The following HEPH variants were observed in gnomAD, a reference collection of about 807,000 sequenced individuals.
HEPH encodes hephaestin.
Under a neutral mutation model 80.8 loss-of-function variants are expected in HEPH, and 69 were observed. That is an observed-to-expected ratio of 0.85 (90% CI 0.70 to 1.04). The LOEUF is 1.04. HEPH is among the 50% of genes least tolerant of loss of function. The pLI, the probability that HEPH is intolerant of heterozygous loss-of-function variation, is 0.00. For missense variants in HEPH, 1,115 were observed against 891.3 expected (o/e 1.25, Z -3.20); for synonymous variants, 431 against 322.8 (o/e 1.34, Z -3.60).
intron 15 of HEPH, 110 bp downstream of exon 15, chrX:66,208,356 T>G: frequency 1.3e-6 from 1 of 782,483 alleles, no homozygotes; most frequent in East Asian, 3.4e-5. Flanking sequence ...TGATAGCTCA[T>G]TCCTGTAATC....
intron 15 of HEPH, among the ~76,000 whole-genome samples, chrX:66,224,441 G>A (rs947260799): frequency 1.8e-5 from 2 of 111,737 alleles, no homozygotes; most frequent in Non-Finnish European, 3.8e-5. Context: ...CCCCTGTTAG[G>A]AAACCTGCTG....
Position 66,192,317 on chromosome X carries a change from C to T in HEPH, c.1232+19C>T, listed in dbSNP as rs1214442302. Reference sequence around the variant, plus strand: ...CAGGCAGGTAAGAGGCAGTGGGATCCCTCTCTTTAATTCTTTAATTGGTCC... The same window carrying T: ...CAGGCAGGTAAGAGGCAGTGGGATCTCTCTCTTTAATTCTTTAATTGGTCC... On this transcript the variant is annotated intron_variant, in intron 7 of 20. Coordinates refer to ENST00000343002, the MANE Select transcript of HEPH (RefSeq NM_001367233.3). The T allele has an allele frequency of 1.7e-6, 2 of 1,177,084 alleles. No individual in the cohort carries two copies. Among genetic ancestry groups the T allele is most frequent in the African/African-American group, 3.5e-5 (2 of 56,880 alleles).
chrX:66,196,225 T>A (rs940350605), intron 9 of HEPH, among the ~76,000 whole-genome samples: 1 of 111,481 alleles, frequency 9.0e-6, no homozygotes, highest in African/African-American at 3.3e-5. Flanking sequence ...AATATCATGA[T>A]GTTTGTATTC....
intron 15 of HEPH, among the ~76,000 whole-genome samples, chrX:66,252,114 T>C (rs978647422): frequency 1.8e-5 from 2 of 111,435 alleles, no homozygotes; most frequent in Middle Eastern, 9.3e-3. Flanking sequence ...TTCAGGTAGA[T>C]CCCTCAGAAT....
At position 66,173,233 on chromosome X, in the gene HEPH, TTTTTA is replaced by T. The variant is rs201084048; in HGVS notation, c.413-350_413-346del. 4.4e-3 allele frequency among the ~76,000 whole-genome samples: 497 copies of T among 112,227 alleles called. 5 individuals carry two copies. The highest frequency in any genetic ancestry group is 0.015 in the African/African-American group (462 of 30,899). ...GACTGAAATTCTGTGATTGCCTGCTTTTTTATTTTAAGTGAGTGTTTGAAGGGAGG... is the reference window on the plus strand; with the variant it reads ...GACTGAAATTCTGTGATTGCCTGCTTTTTTAAGTGAGTGTTTGAAGGGAGG... On this transcript the variant is annotated intron_variant, in intron 3 of 20. Transcript: ENST00000343002.
chrX:66,165,255 A>G (rs147924690), intron 1 of HEPH, among the ~76,000 whole-genome samples: 111 of 112,212 alleles, frequency 9.9e-4, no homozygotes, highest in African/African-American at 3.4e-3. Context: ...GACTAAGGCT[A>G]AAATAATTTA....
chrX:66,175,422 G>A (rs1224532700), intron 4 of HEPH, among the ~76,000 whole-genome samples: 1 of 111,952 alleles, frequency 8.9e-6, no homozygotes, highest in East Asian at 2.8e-4. Flanking sequence ...TTATAGTATA[G>A]TTTGAAATCA....
Position 66,203,407 on chromosome X carries a change from AG to A in HEPH, c.2124del (p.Met709Ter). On this transcript the variant is annotated frameshift_variant, in exon 13 of 21. Coordinates refer to ENST00000343002, the MANE Select transcript of HEPH (RefSeq NM_001367233.3). LOFTEE classifies it high-confidence loss of function. Reference sequence around the variant, plus strand: ...GCCAGGCAGGCAGCCATCGAGAAGCAGGGATGAGGGCAATCTATAATGTCTC... The same window carrying A: ...GCCAGGCAGGCAGCCATCGAGAAGCAGGATGAGGGCAATCTATAATGTCTC... ...YCQAGSHREA[G>X]MRAIYNVSQC... is the part of the protein sequence containing the mutation. The A allele has an allele frequency of 8.3e-7, 1 of 1,210,425 alleles. No homozygotes were observed. Among genetic ancestry groups the A allele is most frequent in the Non-Finnish European group, 1.1e-6 (1 of 895,090 alleles).
chrX:66,256,089 T>A lies in HEPH; in HGVS notation c.2671-16T>A, dbSNP rs2091170784. On this transcript the variant is annotated splice_polypyrimidine_tract_variant and intron_variant, in intron 16 of 20. Transcript: ENST00000343002. ...CTCCATCTCTTTCTCTCTCTCCCACTTCCTCCCTTCCTCAGGACATGTATA... is the reference window on the plus strand; with the variant it reads ...CTCCATCTCTTTCTCTCTCTCCCACATCCTCCCTTCCTCAGGACATGTATA... 17 of 1,169,362 alleles carry A rather than the reference T, an allele frequency of 1.5e-5. No homozygotes were observed. The highest frequency in any genetic ancestry group is 2.0e-5 in the Non-Finnish European group (17 of 862,310).
chrX:66,207,317 A>G lies in HEPH; in HGVS notation c.2414A>G (p.Glu805Gly). Reference sequence around the variant, plus strand: ...CCTCGGCCAAGGACTGGACCAGAAGAACACTTGGGAATCTTGGGTAAGGGA... The same window carrying G: ...CCTCGGCCAAGGACTGGACCAGAAGGACACTTGGGAATCTTGGGTAAGGGA... ...RIPRPRTGPE[E>G]HLGILGPLIK... is the part of the protein sequence containing the mutation. Residue 805 changes from glutamate to glycine, a missense_variant, in exon 14 of 21, where the codon GAA becomes GGA. Glu to Gly is a moderately conservative substitution (Grantham distance 98). Coordinates refer to ENST00000343002, the MANE Select transcript of HEPH (RefSeq NM_001367233.3). 1.7e-6 allele frequency: 2 copies of G among 1,185,239 alleles called. No individual in the cohort carries two copies. Among genetic ancestry groups the G allele is most frequent in the Non-Finnish European group, 2.3e-6 (2 of 880,649 alleles).
chrX:66,212,447 C>G (rs1168131017), intron 15 of HEPH, among the ~76,000 whole-genome samples: 3 of 111,004 alleles, frequency 2.7e-5, no homozygotes, highest in African/African-American at 9.8e-5. Context: ...CAGTTTTCTT[C>G]TAGTATTTTT....
intron 13 of HEPH, among the ~76,000 whole-genome samples, chrX:66,206,022 G>C (rs760943564): frequency 3.6e-5 from 4 of 110,632 alleles, no homozygotes; most frequent in Non-Finnish European, 7.6e-5. Context: ...TGCACCTCTG[G>C]CACCTACCTA....
chrX:66,243,040 C>A (rs1331871696), intron 15 of HEPH, among the ~76,000 whole-genome samples: 1 of 111,793 alleles, frequency 8.9e-6, no homozygotes, highest in Non-Finnish European at 1.9e-5. Flanking sequence ...ACAAATAATT[C>A]TATCATAAAG....
intron 19 of HEPH, among the ~76,000 whole-genome samples, chrX:66,262,697 A>C (rs2091408491): frequency 9.0e-6 from 1 of 111,706 alleles, no homozygotes; most frequent in African/African-American, 3.2e-5. Context: ...TAGTAGTTGA[A>C]GTGATAGACC....
At chrX:66,238,394 G>T (rs1360395066) in intron 15 of HEPH, among the ~76,000 whole-genome samples, 1 of 111,263 alleles carries the variant, frequency 9.0e-6, no homozygotes, top group Non-Finnish European at 1.9e-5. Flanking sequence ...GGCCAGATAT[G>T]GAATTCTGAG....
intron 4 of HEPH, among the ~76,000 whole-genome samples, chrX:66,178,013 T>C (rs1353916293): frequency 8.9e-6 from 1 of 111,923 alleles, no homozygotes; most frequent in East Asian, 2.8e-4. Flanking sequence ...GTTACATATG[T>C]ATACATGTGC....
Position 66,263,578 on chromosome X carries a change from A to AG in HEPH, c.3200-61dup. On this transcript the variant is annotated intron_variant, in intron 19 of 20. Transcript: ENST00000343002. ...TCTGCAACCAATGTTGACCTTTCAT[A>AG]GGGGGCCTATGGATTGGTAGGAAGA... 3 of 1,125,509 alleles carry AG rather than the reference A, an allele frequency of 2.7e-6. No individual in the cohort carries two copies. In the South Asian group the frequency reaches 5.6e-5, roughly 21 times the overall value. 92.8% of individuals were successfully genotyped at this position (1,125,509 alleles called of 1,213,427 possible).
At chrX:66,218,325 C>A (rs143154676) in intron 15 of HEPH, among the ~76,000 whole-genome samples, 1 of 111,458 alleles carries the variant, frequency 9.0e-6, no homozygotes, top group African/African-American at 3.3e-5. Flanking sequence ...TTTAAGAAAA[C>A]TGAAATTATA....
In HEPH at chrX:66,228,058, AAAAG is replaced by A. The variant is rs376306477; in HGVS notation, c.2563+19818_2563+19821del. On this transcript the variant is annotated intron_variant, in intron 15 of 20. Transcript: ENST00000343002. Reference sequence around the variant, plus strand: ...ACATACCTGAGACTGGACAATTTACAAAAGAAAGAGGTTTAATGGACTCACAGTT... The same window carrying A: ...ACATACCTGAGACTGGACAATTTACAAAAGAGGTTTAATGGACTCACAGTT... Among the ~76,000 whole-genome samples the A allele has an allele frequency of 9.3e-4, 104 of 111,901 alleles. 2 individuals are homozygous for A. Among genetic ancestry groups the A allele is most frequent in the African/African-American group, 3.3e-3 (101 of 30,825 alleles).
Sources: gnomAD v4.1 joint callset for allele counts (sites outside exome capture counted in the v4.1 genomes callset) on GRCh38, gnomAD v4.1.1 for gene constraint, MANE v1.5 for transcripts, NCBI Gene and HGNC (gene_info 2026-07-23, HGNC 2026-07-21) for gene names.